The following RALYL variants were observed in gnomAD, a reference collection of about 807,000 sequenced individuals.
The protein encoded by RALYL is RALY RNA binding protein like, also known as RNA-binding Raly-like protein.
RALYL carries 29 observed loss-of-function variants against 35.1 expected under a neutral mutation model. That is an observed-to-expected ratio of 0.83 (90% CI 0.61 to 1.13). The LOEUF (loss-of-function observed/expected upper bound fraction) is 1.13, where lower values mean the gene tolerates loss of function less well. RALYL is among the 50% of genes most tolerant of loss of function. RALYL has a pLI of 0.00. For missense variants in RALYL, 359 were observed against 360.4 expected, an observed-to-expected ratio of 1.00 and a Z score of 0.03; for synonymous variants, 120 against 127.6, an observed-to-expected ratio of 0.94 and a Z score of 0.40.
At chr8:84,468,053 G>T (rs1308364963) in intron 1 of RALYL, among the ~76,000 whole-genome samples, 1 of 149,352 alleles carries the variant, frequency 6.7e-6, no homozygotes, top group South Asian at 2.2e-4. Flanking sequence ...ATGTGAGATG[G>T]GTTTCCTGAA....
At chr8:84,424,512 A>G (rs1181892215) in intron 1 of RALYL, among the ~76,000 whole-genome samples, 3 of 149,984 alleles carry the variant, frequency 2.0e-5, no homozygotes, top group Admixed American at 6.6e-5. Context: ...TCCATAGCTC[A>G]GAGTAATTCG....
intron 8 of RALYL, among the ~76,000 whole-genome samples, chr8:84,895,737 C>CTGA: frequency 6.6e-6 from 1 of 152,226 alleles, no homozygotes; most frequent in South Asian, 2.1e-4. Context: ...GTCTCTAACT[C>CTGA]CTGACATCAG....
intron 2 of RALYL, chr8:84,679,736 C>T: frequency 1.9e-6 from 1 of 521,838 alleles, no homozygotes; most frequent in South Asian, 1.4e-5. Flanking sequence ...GTGCTGATGG[C>T]CACTAACAGA....
chr8:84,919,777 G>A (rs901585983), intron 8 of RALYL, among the ~76,000 whole-genome samples: 1 of 152,092 alleles, frequency 6.6e-6, no homozygotes, highest in Admixed American at 6.5e-5. Flanking sequence ...CTATTAAGTG[G>A]GTATGTTTTG....
At chr8:84,355,962 G>A (rs1463160766) in intron 1 of RALYL, among the ~76,000 whole-genome samples, 3 of 149,874 alleles carry the variant, frequency 2.0e-5, no homozygotes, top group Non-Finnish European at 3.0e-5. Flanking sequence ...TCATGGGGGT[G>A]GATTTCCCTG....
chr8:84,257,161 C>G (rs371367272), intron 1 of RALYL, among the ~76,000 whole-genome samples: 1 of 151,310 alleles, frequency 6.6e-6, no homozygotes, highest in Non-Finnish European at 1.5e-5. Flanking sequence ...TTGGAGAATT[C>G]GAGATTTTTT....
chr8:84,223,001 G>T (rs1257052047), intron 1 of RALYL, among the ~76,000 whole-genome samples: 1 of 152,096 alleles, frequency 6.6e-6, no homozygotes, highest in Non-Finnish European at 1.5e-5. Context: ...GGTGTCTTCA[G>T]AATTTAAGTG....
Position 84,725,881 on chromosome 8 carries a change from A to G in RALYL, c.257-48698A>G, listed in dbSNP as rs143688867. ...CTGGATGTATATAGGAGTCACAAAC[A>G]CATTTAATAGTATTAAGCAATCTTA... On this transcript the variant is annotated intron_variant, in intron 2 of 8. Coordinates refer to ENST00000521268, the MANE Select transcript of RALYL (RefSeq NM_173848.7). Among the ~76,000 whole-genome samples, 576 of 151,786 alleles carry G rather than the reference A, an allele frequency of 3.8e-3. 1 individual carries two copies. The highest frequency in any genetic ancestry group is 5.3e-3 in the Non-Finnish European group (362 of 67,718).
intron 8 of RALYL, among the ~76,000 whole-genome samples, chr8:84,903,132 A>T (rs1358384984): frequency 2.6e-5 from 4 of 152,136 alleles, no homozygotes; most frequent in African/African-American, 7.2e-5. Flanking sequence ...TTTTATTAGT[A>T]ATCTTGTATC....
chr8:84,740,862 G>C (rs1807133264), intron 2 of RALYL, among the ~76,000 whole-genome samples: 1 of 151,894 alleles, frequency 6.6e-6, no homozygotes, highest in African/African-American at 2.4e-5. Context: ...AAAGTCCCTG[G>C]GAATAGGTAA....
At chr8:84,698,160 C>T (rs990313830) in intron 2 of RALYL, among the ~76,000 whole-genome samples, 2 of 151,996 alleles carry the variant, frequency 1.3e-5, no homozygotes, top group Non-Finnish European at 2.9e-5. Context: ...TGAACTTGGC[C>T]CTTGAACCTC....
chr8:84,646,280 G>T (rs1827480195), intron 2 of RALYL, among the ~76,000 whole-genome samples: 1 of 150,996 alleles, frequency 6.6e-6, no homozygotes, highest in Admixed American at 6.6e-5. Flanking sequence ...TGGTCATTTT[G>T]TAACTTACTT....
chr8:84,869,597 G>A (rs1015233072), intron 6 of RALYL, among the ~76,000 whole-genome samples: 4 of 152,054 alleles, frequency 2.6e-5, no homozygotes, highest in Non-Finnish European at 4.4e-5. Flanking sequence ...TGCACTGTAG[G>A]ATGTTGAGCA....
intron 1 of RALYL, among the ~76,000 whole-genome samples, chr8:84,262,195 G>A (rs1441353732): frequency 6.6e-6 from 1 of 152,104 alleles, no homozygotes; most frequent in African/African-American, 2.4e-5. Flanking sequence ...TTAAAGCCTA[G>A]TCCTCTGATT....
At chr8:84,336,322 G>C (rs1310355086) in intron 1 of RALYL, among the ~76,000 whole-genome samples, 2 of 151,974 alleles carry the variant, frequency 1.3e-5, no homozygotes, top group Non-Finnish European at 2.9e-5. Flanking sequence ...ACACATGTTT[G>C]GTTTACAATT....
chr8:84,293,189 C>A (rs1839096784), intron 1 of RALYL, among the ~76,000 whole-genome samples: 1 of 152,058 alleles, frequency 6.6e-6, no homozygotes, highest in Non-Finnish European at 1.5e-5. Context: ...TAAATACCAA[C>A]AGACTGAGCA....
rs1566791 is a variant in RALYL, at chr8:84,520,993, C to T, written c.-23-8306C>T. ...AGCTTATTCCATTTCCCCAAAGCTT[C>T]AAAACGAAAAGTGGGTTCTTACTGT... On this transcript the variant is annotated intron_variant, in intron 1 of 8. Coordinates refer to ENST00000521268, the MANE Select transcript of RALYL (RefSeq NM_173848.7). Among the ~76,000 whole-genome samples the T allele has an allele frequency of 4.6e-5, 7 of 152,080 alleles. No homozygotes were observed. The East Asian group carries it at 7.8e-4, about 17-fold the overall frequency.
At chr8:84,726,692 T>C (rs570581284) in intron 2 of RALYL, among the ~76,000 whole-genome samples, 5 of 152,128 alleles carry the variant, frequency 3.3e-5, no homozygotes, top group African/African-American at 1.2e-4. Context: ...TAATTTGCTA[T>C]ATTTGTCCTG....
intron 1 of RALYL, among the ~76,000 whole-genome samples, chr8:84,495,171 T>C (rs1016199405): frequency 1.8e-4 from 27 of 152,128 alleles, no homozygotes; most frequent in African/African-American, 5.5e-4. Context: ...GTTTTTGTCA[T>C]TGATTGATAT....
Sources: allele counts gnomAD v4.1 joint callset (sites outside exome capture counted in the v4.1 genomes callset), GRCh38; gene constraint gnomAD v4.1.1; transcripts MANE v1.5; gene names NCBI Gene and HGNC (gene_info 2026-07-23, HGNC 2026-07-21).